Variants in DNAH5 observed in about 807,000 individuals in gnomAD.
DNAH5 encodes the protein axonemal beta dynein heavy chain 5.
DNAH5 carries 372 observed loss-of-function variants against 518.2 expected under a neutral mutation model. The ratio of observed to expected loss-of-function variants is 0.72; its 90% CI spans 0.66 to 0.78. DNAH5 has a LOEUF of 0.78. Ranked by LOEUF, DNAH5 falls within the 30% of genes least tolerant of loss-of-function variation. DNAH5 has a pLI of 0.00. For missense variants in DNAH5, 5,523 were observed against 5,687.0 expected (o/e 0.97, Z 0.93); for synonymous variants, 2,039 against 2,025.9 (o/e 1.01, Z -0.17).
At position 13,944,392 on chromosome 5, in the gene DNAH5, C is replaced by G. The variant is rs778890170; in HGVS notation, c.47G>C (p.Arg16Pro). 1 of 1,613,804 alleles carries G rather than the reference C, an allele frequency of 6.2e-7. No individual in the cohort carries two copies. The highest frequency in any genetic ancestry group is 1.1e-5 in the South Asian group (1 of 91,082). ...RRQLWKHSVT[R>P]VLTQRLKGEK... ...ACAACAGCACCTTACCGTTAAAACT[C>G]GAGTGACGCTATGCTTCCAGAGCTG... is the stretch of plus-strand genomic sequence containing the variant. Residue 16 changes from arginine to proline, a missense_variant, in exon 1 of 79, where the codon CGA (arginine) becomes CCA (proline). Transcript: ENST00000265104.
Position 13,919,610 on chromosome 5 carries a change from T to G in DNAH5, c.799-258A>C, listed in dbSNP as rs190033500. Among the ~76,000 whole-genome samples, 18 of 151,934 alleles carry G rather than the reference T, an allele frequency of 1.2e-4. No individual in the cohort carries two copies. The East Asian group carries it at 1.4e-3, about 11-fold the overall frequency. On this transcript the variant is annotated intron_variant, in intron 6 of 78. Coordinates refer to ENST00000265104, the MANE Select transcript of DNAH5 (RefSeq NM_001369.3). ...TGAAAATAGTTTATATTTTGGGGGG[T>G]TTTTAAAGATTTTTGATTCATACTT...
chr5:13,802,322 A>T lies in DNAH5; in HGVS notation c.7887+5269T>A, dbSNP rs368120190. On this transcript the variant is annotated intron_variant, in intron 47 of 78. Transcript: ENST00000265104. ...GTCAGAAAACCAGGTAGGCTGAGGAATGGAGCTCCCTTCTGGCTCTTTTCT... is the reference window on the plus strand; with the variant it reads ...GTCAGAAAACCAGGTAGGCTGAGGATTGGAGCTCCCTTCTGGCTCTTTTCT... Among the ~76,000 whole-genome samples, 30 of 152,250 alleles carry T rather than the reference A, an allele frequency of 2.0e-4. No homozygotes were observed. The East Asian group carries it at 4.8e-3, about 24-fold the overall frequency.
intron 47 of DNAH5, among the ~76,000 whole-genome samples, chr5:13,806,682 T>C (rs562868584): frequency 2.0e-5 from 3 of 152,214 alleles, no homozygotes; most frequent in Non-Finnish European, 4.4e-5. Context: ...CACTGAAGCA[T>C]GTACTGACAT....
At chr5:13,949,050 G>T (rs913936504), upstream of DNAH5, among the ~76,000 whole-genome samples, 3 of 152,110 alleles carry the variant, frequency 2.0e-5, no homozygotes, top group Non-Finnish European at 4.4e-5. Flanking sequence ...AATAACAATG[G>T]AACTTGACAA....
In DNAH5 at chr5:13,882,977, A is replaced by G; in HGVS notation, c.3101T>C (p.Leu1034Pro). 1 of 1,614,166 alleles carries G rather than the reference A, an allele frequency of 6.2e-7. No homozygotes were observed. Among genetic ancestry groups the G allele is most frequent in the South Asian group, 1.1e-5 (1 of 91,072 alleles). The part of the protein sequence containing the change: ...APALEDVQQT[L>P]NKAVECIISV... The stretch of plus-strand genomic sequence containing the variant: ...GATGATGCACTCCACGGCTTTGTTC[A>G]GGGTCTGCTGTACATCTTCCAGGGC... The change falls in exon 20 of 79, where the codon CTG (leucine) becomes CCG (proline). Residue 1034 changes from leucine to proline, a missense_variant. Around this residue, in one of 3 missense-constraint regions of DNAH5, gnomAD observed 5,121 missense variants for 5,223.3 expected, o/e 0.98. Coordinates refer to ENST00000265104, the MANE Select transcript of DNAH5 (RefSeq NM_001369.3).
At chr5:13,917,106 T>C (rs1285583222) in intron 8 of DNAH5, 37 bp downstream of exon 8, 1 of 1,486,782 alleles carries the variant, frequency 6.7e-7, no homozygotes, top group Non-Finnish European at 9.4e-7. Context: ...CAAAAAGGGT[T>C]ATCTATAGAC....
intron 23 of DNAH5, 103 bp from the exon 24 acceptor site, chr5:13,871,105 G>T: frequency 1.2e-6 from 1 of 814,884 alleles, no homozygotes; most frequent in South Asian, 1.8e-5. Flanking sequence ...ATAGCTTATT[G>T]CCCTCTAACC....
intron 10 of DNAH5, 28 bp downstream of exon 10, chr5:13,914,492 A>C (rs1373308731): frequency 6.2e-7 from 1 of 1,608,904 alleles, no homozygotes; most frequent in Non-Finnish European, 8.5e-7. Context: ...AAAAGAATAG[A>C]ACATCTAAAT....
At chr5:13,888,459 A>G (rs1364235729) in intron 17 of DNAH5, among the ~76,000 whole-genome samples, 1 of 152,256 alleles carries the variant, frequency 6.6e-6, no homozygotes, top group Non-Finnish European at 1.5e-5. Context: ...ATCAGTGACC[A>G]TGAACATAAA....
chr5:13,790,016 G>T (rs767244953), intron 50 of DNAH5, among the ~76,000 whole-genome samples: 1 of 152,196 alleles, frequency 6.6e-6, no homozygotes, highest in Non-Finnish European at 1.5e-5. Context: ...TATCACATCA[G>T]TCAGAAAGGC....
Position 13,716,380 on chromosome 5 carries a change from C to T in DNAH5, c.12909+107G>A, listed in dbSNP as rs572702300. 2.2e-5 allele frequency: 17 copies of T among 784,570 alleles called. No individual in the cohort carries two copies. In the South Asian group the frequency reaches 2.5e-4, roughly 11 times the overall value. 48.6% of individuals were successfully genotyped at this position (784,570 alleles called of 1,614,324 possible). ...TCACAGCAAAAGCATTAGTATATATCACCATTAAAATGTATTGTAAAAGCA... is the reference window on the plus strand; with the variant it reads ...TCACAGCAAAAGCATTAGTATATATTACCATTAAAATGTATTGTAAAAGCA... On this transcript the variant is annotated intron_variant, in intron 74 of 78. Transcript: ENST00000265104.
At chr5:13,739,292 T>A (rs994305789) in intron 65 of DNAH5, among the ~76,000 whole-genome samples, 1 of 152,154 alleles carries the variant, frequency 6.6e-6, no homozygotes, top group Non-Finnish European at 1.5e-5. Flanking sequence ...ATGAGGGCAG[T>A]TTCCCCCATG....
chr5:14,002,950 G>A (rs1286025862), intron 1 of DNAH5, among the ~76,000 whole-genome samples: 2 of 152,234 alleles, frequency 1.3e-5, no homozygotes, highest in East Asian at 3.9e-4. Context: ...AACTACGATA[G>A]TAATTGAAAA....
At chr5:14,007,751 G>A (rs752336432) in intron 1 of DNAH5, among the ~76,000 whole-genome samples, 16 of 152,118 alleles carry the variant, frequency 1.1e-4, no homozygotes, top group Non-Finnish European at 1.6e-4. Context: ...AGTGGACAGC[G>A]GTCACAATTT....
At chr5:13,999,256 A>G (rs376724898) in intron 1 of DNAH5, among the ~76,000 whole-genome samples, 31 of 152,364 alleles carry the variant, frequency 2.0e-4, no homozygotes, top group African/African-American at 7.0e-4. Flanking sequence ...ATTTTCAAGT[A>G]TACATTATTG....
chr5:13,793,588 G>C lies in DNAH5; in HGVS notation c.8151C>G (p.Pro2717=). The part of the protein sequence containing the change: ...IHPGGGRNDI[P]QRLKRQFSIF... ...TAGAGAACTGCCTCTTGAGTCTTTG[G>C]GGTATGTCATTGCGTCCACCACCAG... The change falls in exon 49 of 79, where the codon CCC becomes CCG. Residue 2717 remains proline (P), a synonymous_variant. Transcript: ENST00000265104. 1 of 1,614,084 alleles carries C rather than the reference G, an allele frequency of 6.2e-7. No individual in the cohort carries two copies. Among genetic ancestry groups the C allele is most frequent in the Non-Finnish European group, 8.5e-7 (1 of 1,180,008 alleles).
At chr5:13,695,646 C>G (rs1206592716) in intron 78 of DNAH5, among the ~76,000 whole-genome samples, 1 of 152,126 alleles carries the variant, frequency 6.6e-6, no homozygotes, top group Non-Finnish European at 1.5e-5. Context: ...TGTCTCCAAG[C>G]CTTAATTTCT....
intron 22 of DNAH5, among the ~76,000 whole-genome samples, chr5:13,874,599 C>T (rs556304345): frequency 2.0e-5 from 3 of 152,252 alleles, no homozygotes; most frequent in South Asian, 4.2e-4. Context: ...CTCACTGCAA[C>T]CTCTGCCTTC....
At position 13,810,101 on chromosome 5, in the gene DNAH5, C is replaced by T; in HGVS notation, c.7567G>A (p.Gly2523Arg). Residue 2523 changes from glycine to arginine, a missense_variant, in exon 45 of 79, where the codon GGG (glycine) becomes AGG (arginine). By Grantham distance (125) the Gly-to-Arg change is moderately radical (BLOSUM62 -2). Around this residue, in one of 3 missense-constraint regions of DNAH5, gnomAD observed 5,121 missense variants for 5,223.3 expected, o/e 0.98. Coordinates refer to ENST00000265104, the MANE Select transcript of DNAH5 (RefSeq NM_001369.3). ...TGTLELPPPA[G>R]PGDTAFDYYV... ...TAGTCGAAGGCGGTGTCCCCGGGCC[C>T]CGCTGGCGGCGGCAGCTCCAGCGTC... 2.6e-6 allele frequency: 4 copies of T among 1,551,950 alleles called. No individual in the cohort carries two copies. Among genetic ancestry groups the T allele is most frequent in the Non-Finnish European group, 3.5e-6 (4 of 1,148,082 alleles).
Sources: allele counts gnomAD v4.1 joint callset (sites outside exome capture counted in the v4.1 genomes callset), GRCh38; gene constraint gnomAD v4.1.1; regional missense constraint gnomAD v4.1.1; transcripts MANE v1.5; gene names NCBI Gene and HGNC (gene_info 2026-07-23, HGNC 2026-07-21).